SYN3: variants seen among roughly 807,000 people sequenced by gnomAD.
The protein encoded by SYN3 is synapsin-3.
A neutral mutation model predicts 65.8 loss-of-function variants in SYN3; 35 were observed. The observed-to-expected ratio is 0.53, with a 90% CI of 0.41 to 0.70. The LOEUF (loss-of-function observed/expected upper bound fraction) is 0.70. Among genes scored for constraint, SYN3 ranks in the 30% least tolerant of loss-of-function variants. SYN3 has a pLI of 0.00. For missense variants in SYN3, 680 were observed against 749.0 expected, an observed-to-expected ratio of 0.91 and a Z score of 1.08; for synonymous variants, 270 against 292.9, an observed-to-expected ratio of 0.92 and a Z score of 0.80.
At chr22:32,699,656 C>T (rs966593368) in intron 6 of SYN3, among the ~76,000 whole-genome samples, 1 of 152,238 alleles carries the variant, frequency 6.6e-6, no homozygotes, top group Non-Finnish European at 1.5e-5. Flanking sequence ...AAAAAAGATA[C>T]AAGATTCATT....
intron 7 of SYN3, among the ~76,000 whole-genome samples, chr22:32,571,606 A>G (rs2058759604): frequency 6.6e-6 from 1 of 152,212 alleles, no homozygotes; most frequent in Non-Finnish European, 1.5e-5. Flanking sequence ...TACACCTTCA[A>G]GTCCTTCTCC....
intron 6 of SYN3, among the ~76,000 whole-genome samples, chr22:32,609,093 G>T (rs891075562): frequency 7.2e-5 from 11 of 152,064 alleles, no homozygotes. Context: ...GGGAGGCCGA[G>T]GCGGGTGGAT....
chr22:32,526,330 G>A (rs913280240), intron 12 of SYN3, among the ~76,000 whole-genome samples: 1 of 152,020 alleles, frequency 6.6e-6, no homozygotes, highest in South Asian at 2.1e-4. Flanking sequence ...TTTCCAGAAG[G>A]AGAAACACAA....
intron 8 of SYN3, among the ~76,000 whole-genome samples, chr22:32,538,448 G>T (rs1259180609): frequency 6.6e-6 from 1 of 152,164 alleles, no homozygotes; most frequent in Non-Finnish European, 1.5e-5. Flanking sequence ...AGCCCCTGGT[G>T]ATTCTGGAAT....
chr22:32,984,583 G>A (rs2052469936), intron 2 of SYN3, among the ~76,000 whole-genome samples: 1 of 152,100 alleles, frequency 6.6e-6, no homozygotes, highest in South Asian at 2.1e-4. Context: ...TAGAGTTTGG[G>A]TACCCAGGGC....
intron 1 of SYN3, among the ~76,000 whole-genome samples, chr22:33,040,897 T>C (rs528180789): frequency 1.8e-4 from 28 of 152,220 alleles, no homozygotes; most frequent in African/African-American, 6.7e-4. Context: ...CTCTTTCCTT[T>C]ATAAATTGCC....
intron 6 of SYN3, among the ~76,000 whole-genome samples, chr22:32,760,195 A>C (rs1602081238): frequency 4.4e-5 from 1 of 22,926 alleles, no homozygotes; most frequent in Non-Finnish European, 8.3e-5. Flanking sequence ...CCCAGCCAGC[A>C]CCCACCCGCC....
chr22:32,766,451 A>G (rs965911239), intron 6 of SYN3, among the ~76,000 whole-genome samples: 48 of 152,354 alleles, frequency 3.2e-4, no homozygotes, highest in African/African-American at 9.4e-4. Context: ...TGCTGTTGCC[A>G]TCTTTTATAG....
In SYN3 at chr22:32,890,467, G is replaced by A. The variant is rs538701221; in HGVS notation, c.462-21342C>T. Reference sequence around the variant, plus strand: ...ATGATCTTGGCTCATTGCAAGCTCCGCCTCCCGGGTTCACACCATTCTCCT... The same window carrying A: ...ATGATCTTGGCTCATTGCAAGCTCCACCTCCCGGGTTCACACCATTCTCCT... On this transcript the variant is annotated intron_variant, in intron 4 of 13. Transcript: ENST00000358763. Among the ~76,000 whole-genome samples, 98 of 151,752 alleles carry A rather than the reference G, an allele frequency of 6.5e-4. 1 individual carries two copies. The highest frequency in any genetic ancestry group is 6.8e-3 in the Middle Eastern group (2 of 292).
intron 6 of SYN3, among the ~76,000 whole-genome samples, chr22:32,665,128 C>T (rs1251391631): frequency 6.6e-6 from 1 of 150,872 alleles, no homozygotes; most frequent in African/African-American, 2.4e-5. Context: ...CTCCCACATA[C>T]CTGGGACTAC....
intron 7 of SYN3, among the ~76,000 whole-genome samples, chr22:32,569,559 C>CTATATATATA (rs1289552626): frequency 3.4e-3 from 173 of 51,140 alleles, no homozygotes; most frequent in Middle Eastern, 0.011. Context: ...CTCTCTCTCT[C>CTATATATATA]TCTCTCTCTC....
intron 7 of SYN3, chr22:32,583,920 T>C (rs2146509460): frequency 6.6e-6 from 1 of 152,368 alleles, no homozygotes; most frequent in Non-Finnish European, 1.5e-5. Flanking sequence ...TGTTTAAGAA[T>C]TGCCTAAGAT....
At chr22:32,606,219 G>C (rs1259751077) in intron 6 of SYN3, among the ~76,000 whole-genome samples, 2 of 152,168 alleles carry the variant, frequency 1.3e-5, no homozygotes, top group Non-Finnish European at 2.9e-5. Context: ...GGAAGGGAAG[G>C]GGAAGGAAGC....
intron 6 of SYN3, among the ~76,000 whole-genome samples, chr22:32,669,856 T>G (rs2060337360): frequency 6.6e-6 from 1 of 152,196 alleles, no homozygotes; most frequent in Non-Finnish European, 1.5e-5. Flanking sequence ...TTTCTTTCTG[T>G]TGGATGAAAT....
chr22:33,029,198 G>A (rs1339261318), intron 1 of SYN3, among the ~76,000 whole-genome samples: 17 of 150,204 alleles, frequency 1.1e-4, no homozygotes, highest in Admixed American at 3.3e-4. Flanking sequence ...TTTAAGAGAC[G>A]GGGTCTCACT....
At chr22:32,748,280 C>G (rs2044998356) in intron 6 of SYN3, among the ~76,000 whole-genome samples, 1 of 152,054 alleles carries the variant, frequency 6.6e-6, no homozygotes. Context: ...AGAGGGTGGC[C>G]CAGGAGAAAG....
rs534501371 is a variant in SYN3 at position 33,023,313 on chromosome 22, A to T, written c.-162-16489T>A. ...GTCTTTCCCATGCTGTTCTTGTGGT[A>T]GTGAATAAGTCTCATGAGACATGAT... On this transcript the variant is annotated intron_variant, in intron 1 of 13. Coordinates refer to ENST00000358763, the MANE Select transcript of SYN3 (RefSeq NM_003490.4). 4.4e-4 allele frequency among the ~76,000 whole-genome samples: 67 copies of T among 152,288 alleles called. 2 individuals are homozygous for T. The South Asian group carries it at 0.011, about 25-fold the overall frequency.
chr22:32,973,502 C>T (rs2052086929), intron 3 of SYN3, among the ~76,000 whole-genome samples: 1 of 152,194 alleles, frequency 6.6e-6, no homozygotes, highest in African/African-American at 2.4e-5. Context: ...GGTAGCCACC[C>T]AGTTTCTGCC....
At chr22:32,657,574 A>G (rs2060159912) in intron 6 of SYN3, among the ~76,000 whole-genome samples, 1 of 152,098 alleles carries the variant, frequency 6.6e-6, no homozygotes, top group Non-Finnish European at 1.5e-5. Context: ...ACCAGGGGCT[A>G]CTCGCATTCA....
Sources: allele counts gnomAD v4.1 joint callset (sites outside exome capture counted in the v4.1 genomes callset), GRCh38; gene constraint gnomAD v4.1.1; transcripts MANE v1.5; gene names NCBI Gene and HGNC (gene_info 2026-07-23, HGNC 2026-07-21).